LEF1: variants seen among roughly 807,000 people sequenced by gnomAD.
LEF1 encodes the protein lymphoid enhancer binding factor 1, also known as lymphoid enhancer-binding factor 1.
In LEF1, 14 loss-of-function variants were observed where a neutral mutation model predicts 51.2. The ratio of observed to expected loss-of-function variants is 0.27; its 90% CI spans 0.18 to 0.43. The LOEUF is 0.43. LEF1 is among the 20% of genes least tolerant of loss of function. The probability of loss-of-function intolerance (pLI) is 1.00; values close to 1 mark genes in which losing one functional copy is unlikely to be tolerated. For missense variants in LEF1, 386 were observed against 512.0 expected, an observed-to-expected ratio of 0.75 and a Z score of 2.37; for synonymous variants, 185 against 183.2, an observed-to-expected ratio of 1.01 and a Z score of -0.08.
At chr4:108,073,684 C>T (rs1002806725) in intron 8 of LEF1, among the ~76,000 whole-genome samples, 5 of 151,928 alleles carry the variant, frequency 3.3e-5, no homozygotes, top group East Asian at 3.9e-4. Context: ...ACCCAAACAA[C>T]GAGGTATTTT....
intron 6 of LEF1, 106 bp downstream of exon 6, chr4:108,081,480 A>G (rs1699011968): frequency 1.3e-6 from 1 of 796,660 alleles, no homozygotes. Flanking sequence ...CACATGGCTG[A>G]GGTATGCACC....
rs138559704 is a variant in LEF1, at chr4:108,119,437, A to C, written c.415-30180T>G. On this transcript the variant is annotated intron_variant, in intron 3 of 11. Transcript: ENST00000265165. ...ATTTCTGAGTCCATATTACATATTG[A>C]ACCTAATAATAGAGTTCAGATTTAT... 2.0e-5 allele frequency among the ~76,000 whole-genome samples: 3 copies of C among 152,240 alleles called. No individual in the cohort carries two copies. The East Asian group carries it at 5.8e-4, about 29-fold the overall frequency.
rs1736739596 is a variant in LEF1, at chr4:108,048,111, T to G, written c.*647A>C. 6.6e-6 allele frequency: 1 copy of G among 152,532 alleles called. No homozygotes were observed. Among genetic ancestry groups the G allele is most frequent in the Non-Finnish European group, 1.5e-5 (1 of 68,032 alleles). 9.4% of individuals were successfully genotyped at this position (152,532 alleles called of 1,614,324 possible). On this transcript the variant is annotated 3_prime_UTR_variant, in exon 12 of 12. Transcript: ENST00000265165. ...TTCAAACTTTTCCAGAACTTTCAAT[T>G]TTATTTAAAAGCTCATAGCTAGCAA...
intron 3 of LEF1, among the ~76,000 whole-genome samples, chr4:108,160,903 C>A (rs573187697): frequency 1.3e-5 from 2 of 152,122 alleles, no homozygotes; most frequent in Non-Finnish European, 2.9e-5. Context: ...GTCCCTCCCC[C>A]ACCCCAGGTG....
chr4:108,113,663 C>A (rs746239458), intron 3 of LEF1, among the ~76,000 whole-genome samples: 4 of 152,206 alleles, frequency 2.6e-5, no homozygotes, highest in Non-Finnish European at 5.9e-5. Context: ...CTCCCTGGCA[C>A]TCCTTCAAAT....
chr4:108,088,555 A>T (rs1739798574), intron 4 of LEF1, among the ~76,000 whole-genome samples: 1 of 152,144 alleles, frequency 6.6e-6, no homozygotes, highest in African/African-American at 2.4e-5. Flanking sequence ...TGCACTATAT[A>T]TTTTTTCTAT....
intron 3 of LEF1, among the ~76,000 whole-genome samples, chr4:108,092,039 T>C (rs984236504): frequency 6.6e-6 from 1 of 152,216 alleles, no homozygotes; most frequent in Non-Finnish European, 1.5e-5. Context: ...CTTAAGGAAC[T>C]TGCATTAGCA....
intron 3 of LEF1, among the ~76,000 whole-genome samples, chr4:108,094,075 A>G (rs1054809971): frequency 6.6e-6 from 1 of 152,238 alleles, no homozygotes; most frequent in African/African-American, 2.4e-5. Flanking sequence ...GTCTGGCTCT[A>G]GAGGCCAAGC....
intron 3 of LEF1, among the ~76,000 whole-genome samples, chr4:108,112,870 G>A (rs547565164): frequency 2.5e-4 from 38 of 152,276 alleles, no homozygotes; most frequent in African/African-American, 8.7e-4. Flanking sequence ...AGTCAAACCA[G>A]AGTCTAACTC....
chr4:108,111,888 A>G (rs1741555188), intron 3 of LEF1, among the ~76,000 whole-genome samples: 1 of 152,214 alleles, frequency 6.6e-6, no homozygotes, highest in African/African-American at 2.4e-5. Context: ...CCTGGGTGAC[A>G]GACTGAGAAC....
intron 3 of LEF1, among the ~76,000 whole-genome samples, chr4:108,162,064 G>C (rs1321553529): frequency 1.3e-5 from 2 of 151,952 alleles, no homozygotes; most frequent in Non-Finnish European, 2.9e-5. Flanking sequence ...TTATTTGAGG[G>C]GCCTCTAAAT....
intron 3 of LEF1, among the ~76,000 whole-genome samples, chr4:108,111,666 C>T (rs369800322): frequency 6.7e-4 from 102 of 152,164 alleles, no homozygotes; most frequent in African/African-American, 2.4e-3. Flanking sequence ...AATCCTAGCA[C>T]TTTGGGAGGC....
intron 3 of LEF1, among the ~76,000 whole-genome samples, chr4:108,090,135 T>C (rs918448761): frequency 2.0e-5 from 3 of 151,980 alleles, no homozygotes; most frequent in African/African-American, 7.2e-5. Context: ...CGCCACCACA[T>C]TCAGCTAATT....
chr4:108,087,356 C>T (rs1373919211), intron 4 of LEF1, among the ~76,000 whole-genome samples: 3 of 151,204 alleles, frequency 2.0e-5, no homozygotes, highest in South Asian at 2.1e-4. Context: ...AAATAAAGAC[C>T]GAAGAAACTG....
intron 3 of LEF1, among the ~76,000 whole-genome samples, chr4:108,120,707 T>C (rs1278781491): frequency 1.3e-5 from 2 of 152,216 alleles, no homozygotes; most frequent in Non-Finnish European, 2.9e-5. Context: ...GGTTACTGAG[T>C]CATGTAGATT....
chr4:108,070,361 C>T, intron 9 of LEF1: 1 of 205,668 alleles, frequency 4.9e-6, no homozygotes, highest in Non-Finnish European at 9.6e-6. Context: ...ACTAATGTTG[C>T]CTTTACATAG....
chr4:108,126,804 C>CT (rs1742566782), intron 3 of LEF1, among the ~76,000 whole-genome samples: 3 of 97,322 alleles, frequency 3.1e-5, no homozygotes, highest in African/African-American at 4.5e-5. Context: ...GACTTTCTCT[C>CT]AAAAAAAAAA....
chr4:108,144,646 G>A (rs184450097), intron 3 of LEF1, among the ~76,000 whole-genome samples: 86 of 152,170 alleles, frequency 5.7e-4, no homozygotes, highest in African/African-American at 2.0e-3. Flanking sequence ...AGAAGGAAGG[G>A]AGCAGAATTC....
At chr4:108,114,176 C>T (rs1209949141) in intron 3 of LEF1, among the ~76,000 whole-genome samples, 2 of 152,066 alleles carry the variant, frequency 1.3e-5, no homozygotes, top group Non-Finnish European at 2.9e-5. Context: ...AGCATTTAGG[C>T]AAACAAACAT....
Sources: gnomAD v4.1 joint callset for allele counts (sites outside exome capture counted in the v4.1 genomes callset) on GRCh38, gnomAD v4.1.1 for gene constraint, MANE v1.5 for transcripts, NCBI Gene and HGNC (gene_info 2026-07-23, HGNC 2026-07-21) for gene names.